PPIL6: variants seen among roughly 807,000 people sequenced by gnomAD.
PPIL6 encodes peptidylprolyl isomerase like 6.
PPIL6 carries 39 observed loss-of-function variants against 36.8 expected under a neutral mutation model. The ratio of observed to expected loss-of-function variants is 1.06; its 90% CI spans 0.82 to 1.38. The LOEUF is 1.38. PPIL6 is among the 40% of genes most tolerant of loss of function. The pLI, the probability that PPIL6 is intolerant of heterozygous loss-of-function variation, is 0.00. For missense variants in PPIL6, 368 were observed against 379.1 expected (o/e 0.97, Z 0.24); for synonymous variants, 123 against 134.1 (o/e 0.92, Z 0.57).
chr6:109,425,376 A>G (rs1431266281), intron 5 of PPIL6, among the ~76,000 whole-genome samples: 1 of 152,204 alleles, frequency 6.6e-6, no homozygotes, highest in Non-Finnish European at 1.5e-5. Flanking sequence ...ACACAAACAA[A>G]TAATATGACC....
intron 5 of PPIL6, among the ~76,000 whole-genome samples, chr6:109,424,756 G>C (rs10872033): frequency 0.52 from 79,407 of 152,036 alleles, 21,888 homozygotes; most frequent in African/African-American, 0.71. Flanking sequence ...GACCTCTGGT[G>C]GTCCTCACTG....
chr6:109,422,671 T>C (rs149709754), intron 5 of PPIL6, among the ~76,000 whole-genome samples: 1 of 152,296 alleles, frequency 6.6e-6, no homozygotes, highest in Non-Finnish European at 1.5e-5. Context: ...AGATGGACCT[T>C]ATGAACATAA....
At chr6:109,422,861 T>C (rs554254078) in intron 5 of PPIL6, among the ~76,000 whole-genome samples, 6 of 152,374 alleles carry the variant, frequency 3.9e-5, no homozygotes, top group African/African-American at 1.4e-4. Context: ...CAACATGAAA[T>C]GTTTTATGAG....
chr6:109,425,041 T>C (rs1464718188), intron 5 of PPIL6, among the ~76,000 whole-genome samples: 2 of 152,204 alleles, frequency 1.3e-5, no homozygotes, highest in Non-Finnish European at 2.9e-5. Context: ...AACCCTCTCT[T>C]GGGGTCTGGA....
chr6:109,401,340 A>C (rs1295912442), intron 6 of PPIL6, among the ~76,000 whole-genome samples: 1 of 152,188 alleles, frequency 6.6e-6, no homozygotes, highest in African/African-American at 2.4e-5. Flanking sequence ...TCCAAGTTCA[A>C]ATACACAGAA....
At chr6:109,437,916 C>T (rs1329568701) in intron 1 of PPIL6, among the ~76,000 whole-genome samples, 1 of 152,154 alleles carries the variant, frequency 6.6e-6, no homozygotes. Context: ...ATAAATCCAG[C>T]AGTTTTCAAA....
Position 109,391,828 on chromosome 6 carries a change from T to G in PPIL6, c.*998A>C, listed in dbSNP as rs190538366. 2.8e-4 allele frequency: 43 copies of G among 152,308 alleles called. No individual in the cohort carries two copies. In the East Asian group the frequency reaches 7.9e-3, roughly 28 times the overall value. The allele number at this position is 152,308 out of a possible 1,614,324, so 9.4% of individuals were successfully genotyped here. ...GATGTTCATGTCATATATGAAAACA[T>G]CCAAAGTGTAGATACTCTTTCTGAA... On this transcript the variant is annotated 3_prime_UTR_variant, in exon 8 of 8. Coordinates refer to ENST00000521072, the MANE Select transcript of PPIL6 (RefSeq NM_173672.5).
intron 5 of PPIL6, among the ~76,000 whole-genome samples, chr6:109,419,904 T>C (rs1419845834): frequency 1.3e-5 from 2 of 152,190 alleles, no homozygotes; most frequent in African/African-American, 2.4e-5. Flanking sequence ...TAAATTATAA[T>C]TGTGGTCACA....
At chr6:109,416,699 A>G (rs773313407) in intron 6 of PPIL6, among the ~76,000 whole-genome samples, 1 of 151,854 alleles carries the variant, frequency 6.6e-6, no homozygotes, top group Non-Finnish European at 1.5e-5. Context: ...AAATTATCAA[A>G]CCATCTTTTG....
chr6:109,405,413 C>G (rs1772758391), intron 6 of PPIL6, among the ~76,000 whole-genome samples: 1 of 152,198 alleles, frequency 6.6e-6, no homozygotes, highest in Non-Finnish European at 1.5e-5. Context: ...CCATCCCTTT[C>G]TTTTCCTTAC....
chr6:109,429,239 T>C (rs1773994688), intron 3 of PPIL6, among the ~76,000 whole-genome samples: 1 of 152,210 alleles, frequency 6.6e-6, no homozygotes, highest in Middle Eastern at 3.2e-3. Context: ...CATGCTGCTA[T>C]CCAATCCCCT....
rs1773425146 is a variant in PPIL6 at position 109,419,339 on chromosome 6, T to TC, written c.632-97dup. ...AAAAATTTTGCTTTCAATGATGATT[T>TC]CAAGGCTGAGGTGGGATGATCACTG... On this transcript the variant is annotated intron_variant, in intron 5 of 7. Transcript: ENST00000521072. The TC allele has an allele frequency of 4.1e-5, 33 of 800,754 alleles. 1 individual carries two copies. The South Asian group carries it at 5.1e-4, about 12-fold the overall frequency. 49.6% of individuals were successfully genotyped at this position (800,754 alleles called of 1,614,324 possible). A position where few individuals can be genotyped will look rare whatever the true frequency, so the allele number is the denominator to read the frequency against.
rs1773496540 is a variant in PPIL6 at position 109,420,635 on chromosome 6, CCTCT to C, written c.632-1396_632-1393del. On this transcript the variant is annotated intron_variant, in intron 5 of 7. Transcript: ENST00000521072. ...GAAAAGAGCGGGCTCTGAGGTCTGT[CCTCT>C]CTCCCCCATCCTCCCCATCAGTATC... Among the ~76,000 whole-genome samples, 11 of 152,274 alleles carry C rather than the reference CCTCT, an allele frequency of 7.2e-5. No individual in the cohort carries two copies. In the South Asian group the frequency reaches 2.3e-3, roughly 32 times the overall value.
chr6:109,399,238 G>C (rs1772426705), intron 7 of PPIL6, among the ~76,000 whole-genome samples: 1 of 152,064 alleles, frequency 6.6e-6, no homozygotes, highest in Non-Finnish European at 1.5e-5. Flanking sequence ...CTCCCGAGTA[G>C]CCGGGACTAC....
chr6:109,408,849 A>G (rs1409782599), intron 6 of PPIL6, among the ~76,000 whole-genome samples: 1 of 152,100 alleles, frequency 6.6e-6, no homozygotes, highest in African/African-American at 2.4e-5. Flanking sequence ...TCCTGAGGGA[A>G]TACTTCTAAA....
At chr6:109,419,351 T>C (rs537405262) in intron 5 of PPIL6, 108 bp from the exon 6 acceptor site, 3 of 703,914 alleles carry the variant, frequency 4.3e-6, no homozygotes, top group Non-Finnish European at 5.0e-6. Context: ...AAGGCTGAGG[T>C]GGGATGATCA....
intron 6 of PPIL6, among the ~76,000 whole-genome samples, chr6:109,409,217 T>C (rs1308936179): frequency 6.6e-6 from 1 of 152,182 alleles, no homozygotes; most frequent in East Asian, 1.9e-4. Context: ...TAGTACTATG[T>C]AGCTAGAGCA....
intron 7 of PPIL6, among the ~76,000 whole-genome samples, chr6:109,398,143 G>C (rs6922897): frequency 0.14 from 21,563 of 152,164 alleles, 4,107 homozygotes; most frequent in African/African-American, 0.44. Context: ...ACCCGCCTTG[G>C]CCTCCCAAAG....
chr6:109,420,784 G>A (rs1278425314), intron 5 of PPIL6, among the ~76,000 whole-genome samples: 2 of 152,188 alleles, frequency 1.3e-5, no homozygotes, highest in African/African-American at 2.4e-5. Context: ...AAAAGTGTGT[G>A]TGCTATTTTT....
Sources: allele counts gnomAD v4.1 joint callset (sites outside exome capture counted in the v4.1 genomes callset), GRCh38; gene constraint gnomAD v4.1.1; transcripts MANE v1.5; gene names NCBI Gene and HGNC (gene_info 2026-07-23, HGNC 2026-07-21).